MBP: variants seen among roughly 807,000 people sequenced by gnomAD.
The protein encoded by MBP is Golli-MBP.
A neutral mutation model predicts 35.8 loss-of-function variants in MBP; 16 were observed. The observed-to-expected ratio is 0.45, with a 90% CI of 0.30 to 0.68. The LOEUF (loss-of-function observed/expected upper bound fraction) is 0.68. Among genes scored for constraint, MBP ranks in the 30% least tolerant of loss-of-function variants. MBP has a pLI of 0.08. For synonymous variants in MBP, 143 were observed against 159.6 expected (o/e 0.90, Z 0.78); for missense variants, 380 against 404.7 (o/e 0.94, Z 0.52).
chr18:77,105,869 T>A (rs1037459151), intron 1 of MBP, among the ~76,000 whole-genome samples: 3 of 152,216 alleles, frequency 2.0e-5, no homozygotes, highest in Non-Finnish European at 4.4e-5. Context: ...AAAAACCACA[T>A]TACTCCTCAT....
intron 2 of MBP, among the ~76,000 whole-genome samples, chr18:77,079,840 AT>A (rs1974819612): frequency 6.6e-6 from 1 of 152,182 alleles, no homozygotes; most frequent in Admixed American, 6.5e-5. Context: ...TTTAGTTTAA[AT>A]TCATATGTCA....
At chr18:77,107,141 A>G in intron 1 of MBP, among the ~76,000 whole-genome samples, 1 of 152,220 alleles carries the variant, frequency 6.6e-6, no homozygotes, top group East Asian at 1.9e-4. Flanking sequence ...TAGAATAAAA[A>G]CATGTCAAAT....
chr18:76,992,276 C>G (rs533868705), intron 4 of MBP, among the ~76,000 whole-genome samples: 2 of 152,202 alleles, frequency 1.3e-5, no homozygotes, highest in African/African-American at 2.4e-5. Flanking sequence ...GCATTAGATT[C>G]CCATAAGGAG....
intron 3 of MBP, among the ~76,000 whole-genome samples, chr18:77,021,473 A>C (rs1285336737): frequency 6.7e-6 from 1 of 148,682 alleles, no homozygotes; most frequent in Non-Finnish European, 1.5e-5. Flanking sequence ...AATGCCTGTG[A>C]AGATGCACCT....
intron 2 of MBP, chr18:77,087,535 G>C (rs957246728): frequency 3.3e-5 from 5 of 152,314 alleles, no homozygotes; most frequent in Admixed American, 3.3e-4. Context: ...CCTCCCTCGC[G>C]CGCCGGGTCG....
intron 3 of MBP, among the ~76,000 whole-genome samples, chr18:77,051,092 C>A (rs1468226053): frequency 6.6e-6 from 1 of 152,094 alleles, no homozygotes; most frequent in Non-Finnish European, 1.5e-5. Flanking sequence ...CTTGAGGTAA[C>A]ATAGCATGTA....
intron 4 of MBP, chr18:77,015,675 C>T (rs12959006): frequency 0.19 from 183,374 of 985,212 alleles, 18,598 homozygotes; most frequent in Non-Finnish European, 0.2. Context: ...TGTGCTTTCA[C>T]GCCCACAGGA....
At chr18:77,001,799 G>A (rs1392188179) in intron 4 of MBP, among the ~76,000 whole-genome samples, 3 of 152,088 alleles carry the variant, frequency 2.0e-5, no homozygotes, top group African/African-American at 7.2e-5. Flanking sequence ...GCAGTGAGCC[G>A]AGATCAAGCC....
At chr18:77,088,123 C>CCGGGATG (rs1159217831) in intron 2 of MBP, among the ~76,000 whole-genome samples, 1 of 152,196 alleles carries the variant, frequency 6.6e-6, no homozygotes, top group African/African-American at 2.4e-5. Context: ...CACCTGGCCT[C>CCGGGATG]CGGGATGCGT....
Position 76,979,269 on chromosome 18 carries a change from A to G in MBP, c.*1158T>C, listed in dbSNP as rs6565924. 57,512 of 151,678 alleles carry G rather than the reference A, an allele frequency of 0.38. 11,027 individuals carry two copies. Among genetic ancestry groups the G allele is most frequent in the African/African-American group, 0.43 (17,674 of 41,282 alleles). The allele number at this position is 151,678 out of a possible 1,614,324, so 9.4% of individuals were successfully genotyped here. A position where few individuals can be genotyped will look rare whatever the true frequency, so the allele number is the denominator to read the frequency against. On this transcript the variant is annotated 3_prime_UTR_variant, in exon 9 of 9. Coordinates refer to ENST00000355994, the MANE Select transcript of MBP (RefSeq NM_001025101.2). ...CGAAAGGAGATGCCAGCGGGTGTTA[A>G]GAAGGATATGGTCAGAAGAGCTCTT...
intron 4 of MBP, chr18:77,003,014 G>T (rs1363624784): frequency 6.6e-6 from 1 of 152,196 alleles, no homozygotes; most frequent in Non-Finnish European, 1.5e-5. Flanking sequence ...AATGAGGGAA[G>T]CTTCAATTGC....
Position 77,124,872 on chromosome 18 carries a change from C to T in MBP, c.-26+7708G>A, listed in dbSNP as rs193127247. Among the ~76,000 whole-genome samples the T allele has an allele frequency of 1.0e-3, 157 of 152,276 alleles. 2 individuals are homozygous for T. The Middle Eastern group carries it at 0.024, about 23-fold the overall frequency. On this transcript the variant is annotated intron_variant, in intron 1 of 8. Coordinates refer to ENST00000355994, the MANE Select transcript of MBP (RefSeq NM_001025101.2). ...AAGGAAAAAGGGCTGGATCCCCATA[C>T]AAATTTTGTTCCTTAAATCTTTTCA...
intron 3 of MBP, among the ~76,000 whole-genome samples, chr18:77,054,056 G>A (rs183680704): frequency 2.0e-4 from 31 of 152,332 alleles, no homozygotes; most frequent in Middle Eastern, 3.4e-3. Context: ...ACTGCCCCTC[G>A]GCCTGGTCTG....
intron 2 of MBP, among the ~76,000 whole-genome samples, chr18:77,097,792 C>T (rs116159529): frequency 0.012 from 1,817 of 152,302 alleles, 39 homozygotes; most frequent in African/African-American, 0.04. Context: ...GAAGGCAGAG[C>T]TCTTTGTGGG....
chr18:77,038,316 A>G (rs1217714427), intron 3 of MBP, among the ~76,000 whole-genome samples: 1 of 152,256 alleles, frequency 6.6e-6, no homozygotes, highest in Non-Finnish European at 1.5e-5. Context: ...GACTGGCCAC[A>G]GTGTGAACTG....
chr18:77,116,736 G>T (rs1324352672), intron 1 of MBP, among the ~76,000 whole-genome samples: 1 of 152,196 alleles, frequency 6.6e-6, no homozygotes, highest in African/African-American at 2.4e-5. Context: ...GTGCATGCCT[G>T]TAATCCCAGC....
chr18:77,101,343 C>G lies in MBP; in HGVS notation c.51+3868G>C, dbSNP rs1419714204. On this transcript the variant is annotated intron_variant, in intron 2 of 8. Transcript: ENST00000355994. The surrounding 1 kb of genome is among the most constrained non-coding windows in gnomAD (Gnocchi z 4.3). The stretch of plus-strand genomic sequence containing the variant: ...AGCTGGTAAATTAGTGAGGCAGGAC[C>G]ATTTGGAAACCAAATTTCCCTGCAA... 6.6e-6 allele frequency among the ~76,000 whole-genome samples: 1 copy of G among 152,182 alleles called. No homozygotes were observed.
intron 4 of MBP, chr18:77,003,115 C>A (rs1312359106): frequency 2.0e-5 from 3 of 152,148 alleles, no homozygotes; most frequent in Non-Finnish European, 2.9e-5. Context: ...TGAGATTTTT[C>A]AATTTTCTCT....
At chr18:77,072,405 G>A (rs920727847) in intron 2 of MBP, among the ~76,000 whole-genome samples, 2 of 152,150 alleles carry the variant, frequency 1.3e-5, no homozygotes, top group East Asian at 3.8e-4. Context: ...ACACATGTAC[G>A]TCGTATCAAA....
Sources: allele counts gnomAD v4.1 joint callset (sites outside exome capture counted in the v4.1 genomes callset), GRCh38; gene constraint gnomAD v4.1.1; non-coding constraint Gnocchi (gnomAD v3.1); transcripts MANE v1.5; gene names NCBI Gene and HGNC (gene_info 2026-07-23, HGNC 2026-07-21).